Variants in TPH2 observed in about 807,000 individuals in gnomAD.
The protein encoded by TPH2 is tryptophan hydroxylase 2, also known as tryptophan 5-hydroxylase 2.
A neutral mutation model predicts 59.1 loss-of-function variants in TPH2; 27 were observed. That is an observed-to-expected ratio of 0.46 (90% CI 0.34 to 0.63). The LOEUF (loss-of-function observed/expected upper bound fraction) is 0.63. Among genes scored for constraint, TPH2 ranks in the 30% least tolerant of loss-of-function variants. TPH2 has a pLI of 0.01. For synonymous variants in TPH2, 220 were observed against 210.5 expected (o/e 1.05, Z -0.39); for missense variants, 523 against 588.3 (o/e 0.89, Z 1.15).
intron 9 of TPH2, among the ~76,000 whole-genome samples, chr12:72,030,924 C>T (rs1873703445): frequency 6.6e-6 from 1 of 152,150 alleles, no homozygotes; most frequent in Non-Finnish European, 1.5e-5. Context: ...TGCTTCTATT[C>T]ATAGCATAGA....
chr12:71,981,870 T>G (rs1345226711), intron 7 of TPH2, among the ~76,000 whole-genome samples: 2 of 151,914 alleles, frequency 1.3e-5, no homozygotes, highest in African/African-American at 4.8e-5. Flanking sequence ...GCACCCACAA[T>G]AGATTTGAGT....
chr12:71,949,990 C>A (rs2139184429), intron 5 of TPH2, among the ~76,000 whole-genome samples: 1 of 152,128 alleles, frequency 6.6e-6, no homozygotes, highest in South Asian at 2.1e-4. Flanking sequence ...TTTTCAGTAA[C>A]CCCCTTCAGT....
intron 8 of TPH2, among the ~76,000 whole-genome samples, chr12:72,018,496 T>A (rs1873318273): frequency 6.6e-6 from 1 of 152,192 alleles, no homozygotes; most frequent in Non-Finnish European, 1.5e-5. Context: ...CTTAGCGTGT[T>A]TTGGTTCAGA....
chr12:72,006,663 T>C (rs569331622), intron 8 of TPH2, among the ~76,000 whole-genome samples: 2 of 152,240 alleles, frequency 1.3e-5, no homozygotes, highest in South Asian at 2.1e-4. Flanking sequence ...CTTGCTAACA[T>C]TGGACAATGT....
chr12:72,007,085 G>T (rs751262723), intron 8 of TPH2, among the ~76,000 whole-genome samples: 5 of 152,102 alleles, frequency 3.3e-5, no homozygotes, highest in Admixed American at 6.6e-5. Context: ...CTTCTGAAGT[G>T]CAGACTATGC....
At chr12:71,961,756 G>C in intron 5 of TPH2, 1 of 1,326,790 alleles carries the variant, frequency 7.5e-7, no homozygotes, top group Non-Finnish European at 9.9e-7. Flanking sequence ...AGGACTTTCT[G>C]CAAGGTGAGA....
intron 7 of TPH2, among the ~76,000 whole-genome samples, chr12:71,987,848 A>G (rs1872482206): frequency 6.6e-6 from 1 of 152,204 alleles, no homozygotes; most frequent in South Asian, 2.1e-4. Context: ...GTGAAACTCC[A>G]TCTCAATAAA....
chr12:72,023,314 G>T (rs972664886), intron 9 of TPH2, among the ~76,000 whole-genome samples: 5 of 152,214 alleles, frequency 3.3e-5, no homozygotes, highest in Admixed American at 3.3e-4. Context: ...TTTGAGCATT[G>T]ATTATCCTTA....
At chr12:72,030,551 A>G (rs1403640705) in intron 9 of TPH2, among the ~76,000 whole-genome samples, 1 of 152,168 alleles carries the variant, frequency 6.6e-6, no homozygotes, top group Non-Finnish European at 1.5e-5. Context: ...GGAGCTAATG[A>G]TGGTTCAAAG....
chr12:71,976,951 A>G (rs1329289550), intron 6 of TPH2, among the ~76,000 whole-genome samples: 1 of 152,246 alleles, frequency 6.6e-6, no homozygotes, highest in African/African-American at 2.4e-5. Context: ...GAAGAATAGA[A>G]CAGTGGTTAC....
chr12:72,022,293 A>C (rs1315422388), intron 8 of TPH2, 106 bp from the exon 9 acceptor site: 2 of 752,740 alleles, frequency 2.7e-6, no homozygotes, highest in Non-Finnish European at 4.8e-6. Context: ...TAAATTGATA[A>C]TATTGAAGAA....
At chr12:71,954,715 T>C (rs1275879790) in intron 5 of TPH2, among the ~76,000 whole-genome samples, 1 of 152,208 alleles carries the variant, frequency 6.6e-6, no homozygotes, top group Non-Finnish European at 1.5e-5. Context: ...ACTTCACAAT[T>C]ACTATATTGT....
At chr12:71,961,728 C>T in intron 5 of TPH2, 1 of 1,346,996 alleles carries the variant, frequency 7.4e-7, no homozygotes, top group Non-Finnish European at 9.8e-7. Flanking sequence ...ATGAAAATCA[C>T]TTCTCTAGAA....
chr12:71,969,127 C>CA (rs1397283891), intron 5 of TPH2, among the ~76,000 whole-genome samples: 2 of 151,974 alleles, frequency 1.3e-5, no homozygotes, highest in African/African-American at 4.8e-5. Context: ...ACTAAAAATA[C>CA]AAAAAATTAG....
chr12:71,970,397 C>G (rs1282404490), intron 5 of TPH2, among the ~76,000 whole-genome samples: 1 of 152,222 alleles, frequency 6.6e-6, no homozygotes, highest in African/African-American at 2.4e-5. Context: ...ACAATTTCTT[C>G]CTATCCTAAT....
At position 72,032,274 on chromosome 12, in the gene TPH2, T is replaced by C. The variant is rs1221551675; in HGVS notation, c.*579T>C. The C allele has an allele frequency of 1.3e-5, 2 of 158,604 alleles. No homozygotes were observed. Among genetic ancestry groups the C allele is most frequent in the African/African-American group, 4.8e-5 (2 of 41,478 alleles). The allele number at this position is 158,604 out of a possible 1,614,324, so 9.8% of individuals were successfully genotyped here. On this transcript the variant is annotated 3_prime_UTR_variant, in exon 11 of 11. Transcript: ENST00000333850. Reference sequence around the variant, plus strand: ...ATGCAAGAAAACACCTTTTTACAAATGGAATTATGTAGGTTGCGTTGACCT... The same window carrying C: ...ATGCAAGAAAACACCTTTTTACAAACGGAATTATGTAGGTTGCGTTGACCT...
intron 9 of TPH2, among the ~76,000 whole-genome samples, chr12:72,030,286 C>T (rs1315292525): frequency 3.3e-5 from 5 of 152,030 alleles, no homozygotes; most frequent in Non-Finnish European, 1.5e-5. Context: ...AACTTGGATG[C>T]CTTTAAAATG....
At chr12:71,982,717 T>G (rs1416757514) in intron 7 of TPH2, among the ~76,000 whole-genome samples, 1 of 152,230 alleles carries the variant, frequency 6.6e-6, no homozygotes, top group African/African-American at 2.4e-5. Context: ...GTTTGCTGCT[T>G]GTACTGTGTT....
chr12:71,949,786 ACT>A, intron 5 of TPH2, 131 bp downstream of exon 5: 1 of 730,734 alleles, frequency 1.4e-6, no homozygotes, highest in African/African-American at 1.7e-5. Context: ...ACACTCACCA[ACT>A]CTGTAGGCTT....
Sources: gnomAD v4.1 joint callset for allele counts (sites outside exome capture counted in the v4.1 genomes callset) on GRCh38, gnomAD v4.1.1 for gene constraint, MANE v1.5 for transcripts, NCBI Gene and HGNC (gene_info 2026-07-23, HGNC 2026-07-21) for gene names.